Variants in TYRP1 observed in about 807,000 individuals in gnomAD.
TYRP1 encodes the protein 5,6-dihydroxyindole-2-carboxylic acid oxidase.
TYRP1 carries 49 observed loss-of-function variants against 42.8 expected under a neutral mutation model. The observed-to-expected ratio is 1.14, with a 90% CI of 0.91 to 1.45. The LOEUF (loss-of-function observed/expected upper bound fraction) is 1.45, where lower values mean the gene tolerates loss of function less well. Ranked by LOEUF, TYRP1 falls within the 40% of genes most tolerant of loss-of-function variation. The probability of loss-of-function intolerance (pLI) is 0.00; values close to 1 mark genes in which losing one functional copy is unlikely to be tolerated. For synonymous variants in TYRP1, 279 were observed against 235.4 expected, an observed-to-expected ratio of 1.19 and a Z score of -1.69; for missense variants, 848 against 662.0, an observed-to-expected ratio of 1.28 and a Z score of -3.08.
At chr9:12,696,039 A>G (rs1818074892) in intron 3 of TYRP1, among the ~76,000 whole-genome samples, 1 of 152,232 alleles carries the variant, frequency 6.6e-6, no homozygotes, top group Non-Finnish European at 1.5e-5. Flanking sequence ...AGTGAAAATA[A>G]AGCAAAATCA....
rs146027807 is a variant in TYRP1, at chr9:12,695,586, C to G, written c.457C>G (p.Arg153Gly). The change falls in exon 3 of 8, where the codon CGC becomes GGC. Residue 153 changes from arginine (R) to glycine (G), a missense_variant. Transcript: ENST00000388918. ...TGTCCGGGCCCTGGATATGGCAAAG[C>G]GCACAACTCACCCTTTATTTGTCAT... is the stretch of plus-strand genomic sequence containing the variant. ...HFVRALDMAK[R>G]TTHPLFVIAT... The G allele has an allele frequency of 6.2e-7, 1 of 1,614,102 alleles. No homozygotes were observed. Among genetic ancestry groups the G allele is most frequent in the Non-Finnish European group, 8.5e-7 (1 of 1,180,012 alleles).
In TYRP1 at chr9:12,709,106, C is replaced by G. The variant is rs532941663; in HGVS notation, c.1538C>G (p.Pro513Arg). The G allele has an allele frequency of 1.5e-4, 236 of 1,612,798 alleles. 1 individual carries two copies. The South Asian group carries it at 1.6e-3, about 11-fold the overall frequency. Residue 513 changes from proline to arginine, a missense_variant, in exon 8 of 8, where the codon CCT becomes CGT. By Grantham distance (103) the Pro-to-Arg change is moderately radical (BLOSUM62 -2). Coordinates refer to ENST00000388918, the MANE Select transcript of TYRP1 (RefSeq NM_000550.3). The stretch of plus-strand genomic sequence containing the variant: ...CGCAGTATGGATGAAGCTAACCAGC[C>G]TCTCCTCACTGATCAGTATCAATGC... The part of the protein sequence containing the change: ...ARRSMDEANQ[P>R]LLTDQYQCYA...
Position 12,709,944 on chromosome 9 carries a change from T to G in TYRP1, c.*762T>G, listed in dbSNP as rs555814718. 6.6e-6 allele frequency: 1 copy of G among 152,360 alleles called. No homozygotes were observed. The highest frequency in any genetic ancestry group is 2.4e-5 in the African/African-American group (1 of 41,556). 9.4% of individuals were successfully genotyped at this position (152,360 alleles called of 1,614,324 possible). A position where few individuals can be genotyped will look rare whatever the true frequency, so the allele number is the denominator to read the frequency against. ...ACCTACTAATGTCTCTTCTAACATC[T>G]TAGAGGTCCATGGAGAAGGCATATG... On this transcript the variant is annotated 3_prime_UTR_variant, in exon 8 of 8. Transcript: ENST00000388918.
Position 12,695,740 on chromosome 9 carries a change from G to T in TYRP1, c.611G>T (p.Gly204Val). The T allele has an allele frequency of 6.2e-7, 1 of 1,614,138 alleles. No individual in the cohort carries two copies. The highest frequency in any genetic ancestry group is 8.5e-7 in the Non-Finnish European group (1 of 1,180,002). ...YSVKKTFLGV[G>V]QESFGEVDFS... ...GTCAAAAAGACTTTCCTTGGGGTAGGACAGGAAAGCTTTGGTGAAGTGGAT... is the reference window on the plus strand; with the variant it reads ...GTCAAAAAGACTTTCCTTGGGGTAGTACAGGAAAGCTTTGGTGAAGTGGAT... Residue 204 changes from glycine to valine, a missense_variant, in exon 3 of 8, where the codon GGA becomes GTA. Transcript: ENST00000388918.
chr9:12,698,857 C>A (rs1022197834), intron 4 of TYRP1, among the ~76,000 whole-genome samples: 1 of 152,054 alleles, frequency 6.6e-6, no homozygotes, highest in Admixed American at 6.6e-5. Context: ...ACAGAAAGTG[C>A]CTACACATTT....
In TYRP1 at chr9:12,702,424, G is replaced by A. The variant is rs281865424; in HGVS notation, c.1067G>A (p.Arg356Gln). The change falls in exon 5 of 8, where the codon CGA becomes CAA. Residue 356 changes from arginine (R) to glutamine (Q), a missense_variant. By Grantham distance (43) the Arg-to-Gln change is conservative. Transcript: ENST00000388918. Reference sequence around the variant, plus strand: ...TATTCCAACTCTACAAACAGTTTCCGAAACACAGTGGAAGGCAAGTAAATG... The same window carrying A: ...TATTCCAACTCTACAAACAGTTTCCAAAACACAGTGGAAGGCAAGTAAATG... ...PFYSNSTNSF[R>Q]NTVEGYSDPT... is the part of the protein sequence containing the mutation. 4.1e-5 allele frequency: 66 copies of A among 1,612,528 alleles called. No individual in the cohort carries two copies. The highest frequency in any genetic ancestry group is 8.8e-5 in the South Asian group (8 of 91,038).
chr9:12,698,013 A>C (rs1401960081), intron 3 of TYRP1, among the ~76,000 whole-genome samples: 1 of 152,122 alleles, frequency 6.6e-6, no homozygotes, highest in Non-Finnish European at 1.5e-5. Context: ...ACTCCACAAA[A>C]CATATTTTAA....
chr9:12,709,147 GA>G lies in TYRP1; in HGVS notation c.1584del (p.Lys528AsnfsTer27), dbSNP rs755282108. The G allele has an allele frequency of 5.6e-6, 9 of 1,612,480 alleles. No homozygotes were observed. Among genetic ancestry groups the G allele is most frequent in the Non-Finnish European group, 7.6e-6 (9 of 1,178,990 alleles). On this transcript the variant is annotated frameshift_variant, in exon 8 of 8. Coordinates refer to ENST00000388918, the MANE Select transcript of TYRP1 (RefSeq NM_000550.3). LOFTEE classifies it high-confidence loss of function. ...DQYQCYAEEY[E>X]KLQNPNQSVV ...GTATCAATGCTATGCTGAAGAATAT[GA>G]AAAACTCCAGAATCCTAATCAGTCT...
At chr9:12,707,165 G>A (rs1017810880) in intron 6 of TYRP1, among the ~76,000 whole-genome samples, 1 of 151,912 alleles carries the variant, frequency 6.6e-6, no homozygotes, top group Non-Finnish European at 1.5e-5. Context: ...AAATATAGCA[G>A]CCCAGAAGTT....
chr9:12,698,889 G>C (rs1246194822), intron 4 of TYRP1, among the ~76,000 whole-genome samples: 1 of 152,112 alleles, frequency 6.6e-6, no homozygotes, highest in East Asian at 1.9e-4. Flanking sequence ...TTCTTGAGTA[G>C]TTTGGTCAAT....
chr9:12,698,317 CA>C (rs1818109108), intron 3 of TYRP1, 133 bp from the exon 4 acceptor site: 2 of 865,074 alleles, frequency 2.3e-6, no homozygotes, highest in Non-Finnish European at 3.8e-6. Flanking sequence ...GCCCCTCAGA[CA>C]CCGTTGATAT....
chr9:12,694,563 T>C (rs1389379356), intron 2 of TYRP1, 182 bp downstream of exon 2: 41 of 729,288 alleles, frequency 5.6e-5, no homozygotes, highest in Non-Finnish European at 6.8e-5. Context: ...AGGGTTGGAG[T>C]TGAAGCTCAG....
chr9:12,703,915 ATG>A (rs1818217273), intron 5 of TYRP1, among the ~76,000 whole-genome samples: 2 of 94,766 alleles, frequency 2.1e-5, no homozygotes, highest in African/African-American at 3.4e-5. Context: ...GTGTGTATAT[ATG>A]TGTGTGTATA....
Position 12,695,657 on chromosome 9 carries a change from G to A in TYRP1, c.528G>A (p.Thr176=), listed in dbSNP as rs747278985. 5.0e-6 allele frequency: 8 copies of A among 1,614,024 alleles called. No homozygotes were observed. The highest frequency in any genetic ancestry group is 4.5e-5 in the East Asian group (2 of 44,876). The change falls in exon 3 of 8, where the codon ACG becomes ACA. Residue 176 remains threonine, a synonymous_variant. Coordinates refer to ENST00000388918, the MANE Select transcript of TYRP1 (RefSeq NM_000550.3). ...AAATACTGGGGCCAGATGGCAACAC[G>A]CCACAATTTGAGAACATTTCCATTT... ...SEEILGPDGN[T]PQFENISIYN...
At chr9:12,708,908 A>G (rs1251342828) in intron 7 of TYRP1, 69 bp from the exon 8 acceptor site, 9 of 1,354,416 alleles carry the variant, frequency 6.6e-6, no homozygotes, top group Non-Finnish European at 9.3e-6. Flanking sequence ...TCTAAATTTC[A>G]TCTGTCCACT....
At chr9:12,698,125 C>CTT (rs139301549) in intron 3 of TYRP1, among the ~76,000 whole-genome samples, 1 of 151,990 alleles carries the variant, frequency 6.6e-6, no homozygotes. Context: ...TTATTGATAA[C>CTT]TTTTTTGTAT....
intron 4 of TYRP1, 73 bp downstream of exon 4, chr9:12,698,728 C>A: frequency 7.2e-7 from 1 of 1,390,056 alleles, no homozygotes; most frequent in Non-Finnish European, 1.0e-6. Context: ...GCCTGAAAGG[C>A]CCTTCATTCT....
intron 1 of TYRP1, 145 bp downstream of exon 1, chr9:12,693,623 A>G (rs974122280): frequency 2.6e-5 from 5 of 191,688 alleles, no homozygotes; most frequent in African/African-American, 7.1e-5. Flanking sequence ...AATGTAATTA[A>G]TGATGGTGAC....
chr9:12,704,674 C>A lies in TYRP1; in HGVS notation c.1230C>A (p.Val410=), dbSNP rs1301383437. 1 of 1,613,054 alleles carries A rather than the reference C, an allele frequency of 6.2e-7. No individual in the cohort carries two copies. The highest frequency in any genetic ancestry group is 8.5e-7 in the Non-Finnish European group (1 of 1,179,390). ...FVLLHTFTDA[V]FDEWLRRYNA... Reference sequence around the variant, plus strand: ...TCCTGCACACCTTCACAGATGCAGTCTTTGATGAATGGCTGAGGAGATACA... The same window carrying A: ...TCCTGCACACCTTCACAGATGCAGTATTTGATGAATGGCTGAGGAGATACA... The change falls in exon 6 of 8, where the codon GTC becomes GTA. Residue 410 remains valine, a synonymous_variant. Transcript: ENST00000388918.
Sources: allele counts gnomAD v4.1 joint callset (sites outside exome capture counted in the v4.1 genomes callset), GRCh38; gene constraint gnomAD v4.1.1; transcripts MANE v1.5; gene names NCBI Gene and HGNC (gene_info 2026-07-23, HGNC 2026-07-21).